ATP6V0A4: variants seen among roughly 807,000 people sequenced by gnomAD.
ATP6V0A4 encodes the protein V-type proton ATPase 116 kDa subunit a 4.
In ATP6V0A4, 86 loss-of-function variants were observed where a neutral mutation model predicts 107.3. The ratio of observed to expected loss-of-function variants is 0.80; its 90% CI spans 0.67 to 0.96. The LOEUF (loss-of-function observed/expected upper bound fraction) is 0.96, where lower values mean the gene tolerates loss of function less well. Among genes scored for constraint, ATP6V0A4 ranks in the 40% least tolerant of loss-of-function variants. ATP6V0A4 has a pLI of 0.00. For synonymous variants in ATP6V0A4, 353 were observed against 381.4 expected, an observed-to-expected ratio of 0.93 and a Z score of 0.87; for missense variants, 908 against 1,045.6, an observed-to-expected ratio of 0.87 and a Z score of 1.81.
At chr7:138,711,757 T>C (rs1803754582) in intron 20 of ATP6V0A4, among the ~76,000 whole-genome samples, 1 of 152,220 alleles carries the variant, frequency 6.6e-6, no homozygotes, top group South Asian at 2.1e-4. Flanking sequence ...TCAGGCTATG[T>C]TCATTTCCTT....
At position 138,749,981 on chromosome 7, in the gene ATP6V0A4, C is replaced by T. The variant is rs547071864; in HGVS notation, c.1030-664G>A. 3.0e-4 allele frequency among the ~76,000 whole-genome samples: 46 copies of T among 152,280 alleles called. 1 individual carries two copies. In the South Asian group the frequency reaches 8.7e-3, roughly 29 times the overall value. ...CTCAGCATCTCTGCCAGCCTCTCCCCTCTCCGTTTATCTAACACCTAGATT... is the reference window on the plus strand; with the variant it reads ...CTCAGCATCTCTGCCAGCCTCTCCCTTCTCCGTTTATCTAACACCTAGATT... On this transcript the variant is annotated intron_variant, in intron 11 of 21. Transcript: ENST00000310018.
intron 1 of ATP6V0A4, among the ~76,000 whole-genome samples, chr7:138,787,585 G>A (rs556128613): frequency 2.0e-5 from 3 of 152,228 alleles, no homozygotes; most frequent in South Asian, 4.1e-4. Flanking sequence ...CCAGGAGTTC[G>A]AGGCTGTAAT....
chr7:138,763,108 A>G, intron 5 of ATP6V0A4, 83 bp from the exon 6 acceptor site: 1 of 1,570,998 alleles, frequency 6.4e-7, no homozygotes, highest in Non-Finnish European at 8.6e-7. Context: ...AGATGACTAA[A>G]AAAAATCAAA....
At chr7:138,744,847 C>T (rs943469926) in intron 14 of ATP6V0A4, among the ~76,000 whole-genome samples, 1 of 152,140 alleles carries the variant, frequency 6.6e-6, no homozygotes, top group African/African-American at 2.4e-5. Flanking sequence ...AGATTCCAGG[C>T]ACCTGCCACC....
intron 19 of ATP6V0A4, among the ~76,000 whole-genome samples, chr7:138,721,227 G>C (rs143830250): frequency 7.2e-5 from 11 of 152,212 alleles, no homozygotes; most frequent in African/African-American, 2.2e-4. Flanking sequence ...TCACATGAGA[G>C]GCAGATAACA....
intron 21 of ATP6V0A4, among the ~76,000 whole-genome samples, chr7:138,707,689 ACT>A (rs1803517940): frequency 6.6e-6 from 1 of 151,606 alleles, no homozygotes; most frequent in Non-Finnish European, 1.5e-5. Flanking sequence ...GGTGTAAGCC[ACT>A]GCATCCAGGC....
chr7:138,715,048 G>T (rs932607464), intron 20 of ATP6V0A4, among the ~76,000 whole-genome samples: 1 of 152,140 alleles, frequency 6.6e-6, no homozygotes. Context: ...AAGAGGAGCC[G>T]CAAGCCACAG....
At chr7:138,781,881 T>C (rs891244821) in intron 2 of ATP6V0A4, among the ~76,000 whole-genome samples, 3 of 148,924 alleles carry the variant, frequency 2.0e-5, no homozygotes, top group African/African-American at 5.0e-5. Context: ...TCTCACAGTG[T>C]TGCCAAGGCT....
chr7:138,785,693 T>TA (rs923378080), intron 2 of ATP6V0A4, among the ~76,000 whole-genome samples: 10 of 151,628 alleles, frequency 6.6e-5, no homozygotes, highest in South Asian at 4.2e-4. Flanking sequence ...TTGAGGTTGC[T>TA]AAAAAAAAGA....
intron 15 of ATP6V0A4, among the ~76,000 whole-genome samples, chr7:138,737,216 C>A (rs140428137): frequency 1.3e-5 from 2 of 149,724 alleles, no homozygotes; most frequent in African/African-American, 4.9e-5. Flanking sequence ...ATAATTTCCA[C>A]GTGCTGTGGG....
chr7:138,728,719 T>C, intron 18 of ATP6V0A4, 42 bp downstream of exon 18: 1 of 1,613,138 alleles, frequency 6.2e-7, no homozygotes, highest in Non-Finnish European at 8.5e-7. Flanking sequence ...GAAACCCACA[T>C]TCTTATGCAA....
At position 138,770,472 on chromosome 7, in the gene ATP6V0A4, G is replaced by A. The variant is rs138278682; in HGVS notation, c.117+659C>T. Among the ~76,000 whole-genome samples the A allele has an allele frequency of 6.1e-3, 932 of 152,286 alleles. 11 individuals carry two copies. Among genetic ancestry groups the A allele is most frequent in the African/African-American group, 0.022 (902 of 41,554 alleles). ...GCTCAGCTCAATAAACGTTATTGAG[G>A]ACCTGCCTCATACGAGGTCCTGTGT... is the stretch of plus-strand genomic sequence containing the variant. On this transcript the variant is annotated intron_variant, in intron 3 of 21. Transcript: ENST00000310018.
At chr7:138,715,555 T>C (rs1562978137) in intron 20 of ATP6V0A4, among the ~76,000 whole-genome samples, 1 of 152,158 alleles carries the variant, frequency 6.6e-6, no homozygotes, top group Non-Finnish European at 1.5e-5. Context: ...ACAGCAGCAG[T>C]AGGAGACTAT....
In ATP6V0A4 at chr7:138,745,245, G is replaced by C; in HGVS notation, c.1356C>G (p.Ile452Met). 1 of 1,608,192 alleles carries C rather than the reference G, an allele frequency of 6.2e-7. No individual in the cohort carries two copies. Among genetic ancestry groups the C allele is most frequent in the South Asian group, 1.1e-5 (1 of 90,796 alleles). ...AGATGGAGAAGATGCCCATAAGTAG[G>C]ATCAGATAGCGCCCGTGGAAGAAGG... ...WNTFFHGRYL[I>M]LLMGIFSIYT... The change falls in exon 14 of 22, where the codon ATC becomes ATG. Residue 452 changes from isoleucine (I) to methionine (M), a missense_variant. Ile to Met is a conservative substitution (Grantham distance 10). Transcript: ENST00000310018.
chr7:138,776,199 T>C (rs933130497), intron 2 of ATP6V0A4, among the ~76,000 whole-genome samples: 4 of 152,096 alleles, frequency 2.6e-5, no homozygotes, highest in Admixed American at 2.6e-4. Flanking sequence ...GGGTGAGAAA[T>C]CAAACTTTAG....
At chr7:138,792,703 ATCC>A (rs1808469747) in intron 1 of ATP6V0A4, among the ~76,000 whole-genome samples, 1 of 151,354 alleles carries the variant, frequency 6.6e-6, no homozygotes, top group Non-Finnish European at 1.5e-5. Context: ...GGCTCAAGCA[ATCC>A]TCCTATCTCA....
chr7:138,745,030 G>A, intron 14 of ATP6V0A4, 93 bp downstream of exon 14: 3 of 1,174,246 alleles, frequency 2.6e-6, no homozygotes, highest in Non-Finnish European at 3.8e-6. Flanking sequence ...GCACCTCTGA[G>A]TAGACCTAGG....
At chr7:138,769,538 C>G (rs1428567216) in intron 3 of ATP6V0A4, among the ~76,000 whole-genome samples, 1 of 152,096 alleles carries the variant, frequency 6.6e-6, no homozygotes, top group Non-Finnish European at 1.5e-5. Flanking sequence ...TGGCCTCAAG[C>G]TCCTGACCTC....
chr7:138,724,380 T>G (rs1348726585), intron 18 of ATP6V0A4, among the ~76,000 whole-genome samples: 3 of 152,190 alleles, frequency 2.0e-5, no homozygotes, highest in Non-Finnish European at 4.4e-5. Context: ...GGGCCTTGTA[T>G]GTGCACACAG....
Sources: gnomAD v4.1 joint callset for allele counts (sites outside exome capture counted in the v4.1 genomes callset) on GRCh38, gnomAD v4.1.1 for gene constraint, MANE v1.5 for transcripts, NCBI Gene and HGNC (gene_info 2026-07-23, HGNC 2026-07-21) for gene names.